SPIDR: variants seen among roughly 807,000 people sequenced by gnomAD.
SPIDR encodes DNA repair-scaffolding protein.
Under a neutral mutation model 104.6 loss-of-function variants are expected in SPIDR, and 93 were observed. The ratio of observed to expected loss-of-function variants is 0.89; its 90% CI spans 0.75 to 1.06. The LOEUF is 1.06. Among genes scored for constraint, SPIDR ranks in the 50% least tolerant of loss-of-function variants. SPIDR has a pLI of 0.00. For missense variants in SPIDR, 1,154 were observed against 1,111.2 expected, an observed-to-expected ratio of 1.04 and a Z score of -0.55; for synonymous variants, 431 against 416.9, an observed-to-expected ratio of 1.03 and a Z score of -0.41.
chr8:47,603,171 G>C (rs1345120060), intron 10 of SPIDR, among the ~76,000 whole-genome samples: 1 of 146,682 alleles, frequency 6.8e-6, no homozygotes, highest in African/African-American at 2.5e-5. Context: ...TTTTTTAACA[G>C]AAAGGGAGCA....
At chr8:47,502,283 G>T (rs555101854) in intron 8 of SPIDR, among the ~76,000 whole-genome samples, 9 of 152,232 alleles carry the variant, frequency 5.9e-5, no homozygotes, top group East Asian at 3.9e-4. Flanking sequence ...GGCTTTTTTG[G>T]TTGGTAAGCT....
intron 8 of SPIDR, among the ~76,000 whole-genome samples, chr8:47,464,862 G>T (rs927916462): frequency 1.3e-5 from 2 of 152,012 alleles, no homozygotes; most frequent in African/African-American, 4.8e-5. Context: ...TCAGCCTCCC[G>T]GGTTCAAGTG....
At chr8:47,682,458 G>A (rs2077227180) in intron 11 of SPIDR, among the ~76,000 whole-genome samples, 1 of 152,144 alleles carries the variant, frequency 6.6e-6, no homozygotes, top group Admixed American at 6.5e-5. Flanking sequence ...TAGAGGTAGT[G>A]TGTGCACAAC....
chr8:47,320,651 G>C (rs1305733595), intron 5 of SPIDR, among the ~76,000 whole-genome samples: 1 of 152,112 alleles, frequency 6.6e-6, no homozygotes, highest in Non-Finnish European at 1.5e-5. Context: ...CAAAAAAAGA[G>C]AATTTTAGAC....
intron 11 of SPIDR, among the ~76,000 whole-genome samples, chr8:47,679,315 T>C (rs1324291164): frequency 1.3e-5 from 2 of 152,232 alleles, no homozygotes; most frequent in Non-Finnish European, 1.5e-5. Context: ...CAGTGCATCA[T>C]AGATGCATCA....
chr8:47,523,722 A>G (rs1316643351), intron 8 of SPIDR, among the ~76,000 whole-genome samples: 1 of 152,100 alleles, frequency 6.6e-6, no homozygotes, highest in Non-Finnish European at 1.5e-5. Context: ...GGCCTCACAG[A>G]TTTTTGTTTT....
At chr8:47,682,630 T>C (rs942273239) in intron 11 of SPIDR, among the ~76,000 whole-genome samples, 8 of 152,242 alleles carry the variant, frequency 5.3e-5, no homozygotes, top group African/African-American at 1.9e-4. Context: ...GCTTATGCTG[T>C]TATGAAAATA....
intron 8 of SPIDR, among the ~76,000 whole-genome samples, chr8:47,504,249 C>T (rs1048234827): frequency 2.6e-5 from 4 of 152,204 alleles, no homozygotes; most frequent in African/African-American, 9.7e-5. Flanking sequence ...TGGTTCCATT[C>T]TCCTCGTCAC....
chr8:47,268,453 G>C (rs2034547203), intron 1 of SPIDR, among the ~76,000 whole-genome samples: 1 of 152,154 alleles, frequency 6.6e-6, no homozygotes, highest in Admixed American at 6.6e-5. Context: ...ATGAGCATGG[G>C]TTGTCTTTTC....
chr8:47,382,493 A>G (rs1254817128), intron 5 of SPIDR, among the ~76,000 whole-genome samples: 1 of 152,148 alleles, frequency 6.6e-6, no homozygotes, highest in African/African-American at 2.4e-5. Context: ...ACTCACTGCA[A>G]CCTCTGCCTC....
At chr8:47,273,728 G>A (rs2035805779) in intron 1 of SPIDR, among the ~76,000 whole-genome samples, 1 of 151,958 alleles carries the variant, frequency 6.6e-6, no homozygotes, top group Admixed American at 6.6e-5. Context: ...TGAGCAGCTG[G>A]GACCACAGGT....
intron 5 of SPIDR, among the ~76,000 whole-genome samples, chr8:47,331,965 C>CTTTTTTTTTTTTTTTTTTTTATTT (rs2048750319): frequency 3.1e-5 from 1 of 32,700 alleles, no homozygotes. Context: ...TTTTTTTAAA[C>CTTTTTTTTTTTTTTTTTTTTATTT]TTTTTTTTTT....
At chr8:47,326,723 G>C (rs2047722439) in intron 5 of SPIDR, among the ~76,000 whole-genome samples, 2 of 152,308 alleles carry the variant, frequency 1.3e-5, no homozygotes, top group East Asian at 3.9e-4. Flanking sequence ...GTGACCTTTT[G>C]TGTCTGGCTT....
chr8:47,349,301 A>G (rs1477329028), intron 5 of SPIDR, among the ~76,000 whole-genome samples: 2 of 152,210 alleles, frequency 1.3e-5, no homozygotes, highest in Non-Finnish European at 2.9e-5. Context: ...CAAATATTGC[A>G]GAACAGCAAA....
chr8:47,507,342 T>C (rs1050112637), intron 8 of SPIDR, among the ~76,000 whole-genome samples: 6 of 152,248 alleles, frequency 3.9e-5, no homozygotes, highest in African/African-American at 1.2e-4. Context: ...ATCAGTGTGA[T>C]TGATACCTCA....
chr8:47,407,166 A>T (rs1385258384), intron 6 of SPIDR, among the ~76,000 whole-genome samples: 2 of 152,196 alleles, frequency 1.3e-5, no homozygotes, highest in African/African-American at 2.4e-5. Flanking sequence ...ATATGTGTTC[A>T]TTGATAGGTT....
intron 8 of SPIDR, among the ~76,000 whole-genome samples, chr8:47,552,587 C>CT (rs1394446708): frequency 1.2e-3 from 179 of 151,256 alleles, no homozygotes; most frequent in African/African-American, 2.5e-3. Flanking sequence ...GCAACCCCTG[C>CT]TTTTTTTTTG....
chr8:47,434,823 C>T (rs1342977234), intron 7 of SPIDR, among the ~76,000 whole-genome samples: 1 of 152,148 alleles, frequency 6.6e-6, no homozygotes, highest in Non-Finnish European at 1.5e-5. Context: ...ATATAACCTA[C>T]TTAGGAAGAC....
chr8:47,660,220 T>G (rs534784821), intron 10 of SPIDR, among the ~76,000 whole-genome samples: 1 of 152,384 alleles, frequency 6.6e-6, no homozygotes, highest in African/African-American at 2.4e-5. Context: ...CAAGACGTAT[T>G]TTTACAGTTT....
Sources: gnomAD v4.1 joint callset for allele counts (sites outside exome capture counted in the v4.1 genomes callset) on GRCh38, gnomAD v4.1.1 for gene constraint, MANE v1.5 for transcripts, NCBI Gene and HGNC (gene_info 2026-07-23, HGNC 2026-07-21) for gene names.